Variants in FAM168B observed in about 807,000 individuals in gnomAD.
The protein encoded by FAM168B is myelin-associated neurite-outgrowth inhibitor.
FAM168B carries 19 observed loss-of-function variants against 21.8 expected under a neutral mutation model. That is an observed-to-expected ratio of 0.87 (90% CI 0.61 to 1.28). The LOEUF (loss-of-function observed/expected upper bound fraction) is 1.28. Ranked by LOEUF, FAM168B falls within the 50% of genes most tolerant of loss-of-function variation. FAM168B has a pLI of 0.00. For synonymous variants in FAM168B, 126 were observed against 104.8 expected (o/e 1.20, Z -1.24); for missense variants, 233 against 263.1 (o/e 0.89, Z 0.79).
chr2:131,063,273 G>C (rs529571171), intron 3 of FAM168B, among the ~76,000 whole-genome samples: 1 of 152,228 alleles, frequency 6.6e-6, no homozygotes, highest in South Asian at 2.1e-4. Flanking sequence ...ACAATAAAAT[G>C]TTGAAAAAAG....
At chr2:131,071,815 C>T (rs75121870) in intron 3 of FAM168B, 40 bp downstream of exon 3, 174 of 1,577,750 alleles carry the variant, frequency 1.1e-4, no homozygotes, top group Non-Finnish European at 1.5e-4. Flanking sequence ...CCTTTCTCTC[C>T]CAGCTGTACG....
intron 1 of FAM168B, among the ~76,000 whole-genome samples, chr2:131,090,016 G>GCGA (rs1693924472): frequency 8.3e-6 from 1 of 119,984 alleles, no homozygotes; most frequent in Non-Finnish European, 1.8e-5. Context: ...TGGGCGACAT[G>GCGA]GACGCTCCAT....
At chr2:131,078,144 G>A (rs1374934431) in intron 2 of FAM168B, among the ~76,000 whole-genome samples, 1 of 152,188 alleles carries the variant, frequency 6.6e-6, no homozygotes, top group Non-Finnish European at 1.5e-5. Flanking sequence ...GGCATGCCAA[G>A]ACAGGACCAT....
At chr2:131,090,974 C>G (rs1032716802) in intron 1 of FAM168B, among the ~76,000 whole-genome samples, 3 of 152,324 alleles carry the variant, frequency 2.0e-5, no homozygotes, top group Admixed American at 2.0e-4. Context: ...TCGTGATATG[C>G]CAGCCTCAGC....
At chr2:131,060,493 C>T (rs1271453410) in intron 3 of FAM168B, among the ~76,000 whole-genome samples, 2 of 152,140 alleles carry the variant, frequency 1.3e-5, no homozygotes, top group African/African-American at 2.4e-5. Flanking sequence ...AGATAAGAGA[C>T]ATAAATTCAA....
intron 2 of FAM168B, among the ~76,000 whole-genome samples, chr2:131,075,890 A>T (rs1693130541): frequency 1.3e-5 from 2 of 152,208 alleles, no homozygotes; most frequent in African/African-American, 4.8e-5. Context: ...AAGATGCACT[A>T]CATACCTGGT....
intron 3 of FAM168B, among the ~76,000 whole-genome samples, chr2:131,057,974 G>C (rs1262515341): frequency 3.3e-5 from 5 of 152,030 alleles, no homozygotes. Context: ...GGGATTGCAG[G>C]CATGTGCCAC....
intron 2 of FAM168B, among the ~76,000 whole-genome samples, chr2:131,074,351 T>C (rs891221546): frequency 1.3e-5 from 2 of 152,094 alleles, no homozygotes; most frequent in African/African-American, 4.8e-5. Context: ...ATGGTCTCCA[T>C]CTCCTGACCT....
At chr2:131,069,898 G>A (rs761138491) in intron 3 of FAM168B, among the ~76,000 whole-genome samples, 4 of 151,160 alleles carry the variant, frequency 2.6e-5, no homozygotes, top group Non-Finnish European at 5.9e-5. Context: ...TCACCCTGTC[G>A]CCCAGGCTGG....
At chr2:131,075,954 C>T (rs1004114262) in intron 2 of FAM168B, among the ~76,000 whole-genome samples, 1 of 152,168 alleles carries the variant, frequency 6.6e-6, no homozygotes, top group African/African-American at 2.4e-5. Flanking sequence ...CTGCTGCTTC[C>T]GTGCTCCCAT....
chr2:131,060,253 C>G (rs1219557848), intron 3 of FAM168B, among the ~76,000 whole-genome samples: 3 of 152,170 alleles, frequency 2.0e-5, no homozygotes, highest in Non-Finnish European at 4.4e-5. Context: ...GTCGAACTCC[C>G]AACCTCGTGA....
intron 2 of FAM168B, among the ~76,000 whole-genome samples, chr2:131,072,259 G>C (rs909592009): frequency 1.3e-5 from 2 of 151,950 alleles, no homozygotes; most frequent in African/African-American, 4.8e-5. Flanking sequence ...GAAGAGCTGG[G>C]ATTACAGGTG....
At chr2:131,070,714 C>T (rs1352548205) in intron 3 of FAM168B, among the ~76,000 whole-genome samples, 1 of 152,130 alleles carries the variant, frequency 6.6e-6, no homozygotes, top group Non-Finnish European at 1.5e-5. Context: ...CAACAAAATA[C>T]TACCTAACAA....
chr2:131,080,350 GCAA>G (rs1178297524), intron 2 of FAM168B, among the ~76,000 whole-genome samples: 1 of 151,188 alleles, frequency 6.6e-6, no homozygotes, highest in African/African-American at 2.4e-5. Flanking sequence ...TTAAGGTAAG[GCAA>G]CAACAGAAAA....
intron 3 of FAM168B, among the ~76,000 whole-genome samples, chr2:131,063,573 GT>G (rs1307317806): frequency 8.5e-5 from 13 of 152,158 alleles, no homozygotes; most frequent in Non-Finnish European, 1.3e-4. Context: ...GATTCCAAGA[GT>G]TCTGAGACTG....
intron 1 of FAM168B, among the ~76,000 whole-genome samples, chr2:131,086,784 G>C (rs866425628): frequency 7.3e-5 from 7 of 95,504 alleles, no homozygotes; most frequent in Non-Finnish European, 7.6e-5. Context: ...ACAAGAGAAA[G>C]GCCGGGCGCG....
In FAM168B at chr2:131,076,834, C is replaced by T. The variant is rs142084432; in HGVS notation, c.71-4896G>A. Among the ~76,000 whole-genome samples the T allele has an allele frequency of 8.7e-4, 131 of 151,312 alleles. 1 individual carries two copies. The East Asian group carries it at 0.016, about 18-fold the overall frequency. ...CCACAAAAACAAACATCCCGCCCCACCCCCACCACTCAAATCAATAGACAC... is the reference window on the plus strand; with the variant it reads ...CCACAAAAACAAACATCCCGCCCCATCCCCACCACTCAAATCAATAGACAC... On this transcript the variant is annotated intron_variant, in intron 2 of 6. Coordinates refer to ENST00000389915, the MANE Select transcript of FAM168B (RefSeq NM_001009993.4).
At position 131,052,179 on chromosome 2, in the gene FAM168B, C is replaced by T; in HGVS notation, c.*286G>A. On this transcript the variant is annotated 3_prime_UTR_variant, in exon 7 of 7. Coordinates refer to ENST00000389915, the MANE Select transcript of FAM168B (RefSeq NM_001009993.4). Reference sequence around the variant, plus strand: ...GTGTTTGTTTTTTTAAACATGCATTCAACTAGATATGATTCAGAATAGATT... The same window carrying T: ...GTGTTTGTTTTTTTAAACATGCATTTAACTAGATATGATTCAGAATAGATT... 1 of 985,742 alleles carries T rather than the reference C, an allele frequency of 1.0e-6. No homozygotes were observed. The highest frequency in any genetic ancestry group is 1.2e-6 in the Non-Finnish European group (1 of 829,930). The allele number at this position is 985,742 out of a possible 1,614,324, so 61.1% of individuals were successfully genotyped here. A position where few individuals can be genotyped will look rare whatever the true frequency, so the allele number is the denominator to read the frequency against.
chr2:131,048,288 G>C lies in FAM168B; in HGVS notation c.*4177C>G. ...TGCTAGGAGCACAAACGGCTGGCCT[G>C]AGATCTGGCCCAGCTGCCTTGCCCA... On this transcript the variant is annotated 3_prime_UTR_variant, in exon 7 of 7. Coordinates refer to ENST00000389915, the MANE Select transcript of FAM168B (RefSeq NM_001009993.4). 7.7e-7 allele frequency: 1 copy of C among 1,304,298 alleles called. No individual in the cohort carries two copies. The highest frequency in any genetic ancestry group is 1.2e-5 in the South Asian group (1 of 81,024). 80.8% of individuals were successfully genotyped at this position (1,304,298 alleles called of 1,614,324 possible).
Sources: gnomAD v4.1 joint callset for allele counts (sites outside exome capture counted in the v4.1 genomes callset) on GRCh38, gnomAD v4.1.1 for gene constraint, MANE v1.5 for transcripts, NCBI Gene and HGNC (gene_info 2026-07-23, HGNC 2026-07-21) for gene names.